RGR: variants seen among roughly 807,000 people sequenced by gnomAD.
RGR encodes the protein retinal G protein coupled receptor.
RGR carries 30 observed loss-of-function variants against 28.6 expected under a neutral mutation model. The observed-to-expected ratio is 1.05, with a 90% CI of 0.78 to 1.42. The LOEUF (loss-of-function observed/expected upper bound fraction) is 1.42, where lower values mean the gene tolerates loss of function less well. Among genes scored for constraint, RGR ranks in the 40% most tolerant of loss-of-function variants. The pLI is 0.00. For missense variants in RGR, 404 were observed against 375.6 expected, an observed-to-expected ratio of 1.08 and a Z score of -0.62; for synonymous variants, 180 against 156.4, an observed-to-expected ratio of 1.15 and a Z score of -1.13.
chr10:84,253,156 C>T (rs1184613045), intron 4 of RGR, 146 bp downstream of exon 4: 3 of 921,200 alleles, frequency 3.3e-6, no homozygotes, highest in Non-Finnish European at 3.2e-6. Context: ...ATGATACCCA[C>T]CTGCAGGTGG....
At chr10:84,256,021 C>CCT (rs1442378958) in intron 5 of RGR, among the ~76,000 whole-genome samples, 1 of 137,530 alleles carries the variant, frequency 7.3e-6, no homozygotes, top group African/African-American at 2.7e-5. Flanking sequence ...CCGTGTCCAG[C>CCT]CTTTTTTTTT....
chr10:84,246,714 G>C (rs557749304), intron 1 of RGR, among the ~76,000 whole-genome samples: 1 of 152,246 alleles, frequency 6.6e-6, no homozygotes, highest in South Asian at 2.1e-4. Flanking sequence ...TTTTTGGCTG[G>C]ATTAAATGGC....
intron 1 of RGR, among the ~76,000 whole-genome samples, chr10:84,246,850 G>GT (rs965364210): frequency 6.6e-6 from 1 of 152,150 alleles, no homozygotes; most frequent in African/African-American, 2.4e-5. Context: ...TTGATCTATT[G>GT]TTTTTTGACT....
rs184079877 is a variant in RGR at position 84,258,110 on chromosome 10, C to T, written c.744+104C>T. ...TTATGACCTCTGTGTCAGTCTCTTC[C>T]TTTCTGTGTTTCTTCCTTTGGATAC... On this transcript the variant is annotated intron_variant, in intron 6 of 6. Coordinates refer to ENST00000652092, the MANE Select transcript of RGR (RefSeq NM_001012720.2). The T allele has an allele frequency of 5.9e-3, 6,197 of 1,055,912 alleles. 28 individuals are homozygous for T. The highest frequency in any genetic ancestry group is 7.6e-3 in the Non-Finnish European group (5,306 of 700,288). The allele number at this position is 1,055,912 out of a possible 1,614,324, so 65.4% of individuals were successfully genotyped here.
At position 84,245,134 on chromosome 10, in the gene RGR, A is replaced by C. The variant is rs780865488; in HGVS notation, c.44A>C (p.Glu15Ala). The C allele has an allele frequency of 1.2e-6, 2 of 1,613,250 alleles. No homozygotes were observed. Among genetic ancestry groups the C allele is most frequent in the Admixed American group, 3.3e-5 (2 of 59,986 alleles). Residue 15 changes from glutamate (E) to alanine (A), a missense_variant, in exon 1 of 7, where the codon GAG becomes GCG. Coordinates refer to ENST00000652092, the MANE Select transcript of RGR (RefSeq NM_001012720.2). ...SALPTGFGEL[E>A]VLAVGMVLLV... ...CTGCCCACTGGCTTCGGGGAGCTCG[A>C]GGTGCTGGCTGTGGGGATGGTGCTA...
At chr10:84,257,704 C>G (rs1404403695) in intron 5 of RGR, among the ~76,000 whole-genome samples, 189 bp from the exon 6 acceptor site, 1 of 152,198 alleles carries the variant, frequency 6.6e-6, no homozygotes, top group African/African-American at 2.4e-5. Flanking sequence ...AAATAAAAGG[C>G]TTAAGGTCAC....
intron 3 of RGR, among the ~76,000 whole-genome samples, chr10:84,251,658 C>T (rs1344995102): frequency 6.6e-6 from 1 of 152,208 alleles, no homozygotes; most frequent in African/African-American, 2.4e-5. Context: ...AATTCTCCAC[C>T]TCAGTCTCCT....
intron 3 of RGR, among the ~76,000 whole-genome samples, chr10:84,249,937 A>T (rs968302393): frequency 6.6e-6 from 1 of 152,220 alleles, no homozygotes; most frequent in Non-Finnish European, 1.5e-5. Context: ...CTACAAGCTC[A>T]TTCTAAACAA....
At chr10:84,254,748 T>C (rs752210086) in intron 5 of RGR, among the ~76,000 whole-genome samples, 12 of 152,200 alleles carry the variant, frequency 7.9e-5, no homozygotes, top group Non-Finnish European at 1.5e-4. Flanking sequence ...GTGGGTTGCT[T>C]ATGTTACTTT....
chr10:84,250,649 G>A, intron 3 of RGR: 1 of 558,062 alleles, frequency 1.8e-6, no homozygotes, highest in South Asian at 2.3e-5. Context: ...TCTATACTGA[G>A]AGCATGGCAG....
chr10:84,257,852 C>G, intron 5 of RGR, 41 bp from the exon 6 acceptor site: 1 of 1,591,424 alleles, frequency 6.3e-7, no homozygotes, highest in Non-Finnish European at 8.6e-7. Flanking sequence ...CTGTGGGCCA[C>G]CTGGAGCAAG....
chr10:84,245,409 G>A (rs1842735758), intron 1 of RGR, among the ~76,000 whole-genome samples: 1 of 152,170 alleles, frequency 6.6e-6, no homozygotes. Flanking sequence ...GGGAGGGAGG[G>A]ACTTTGAAAG....
chr10:84,258,723 T>C lies in RGR; in HGVS notation c.*84T>C. On this transcript the variant is annotated 3_prime_UTR_variant, in exon 7 of 7. Coordinates refer to ENST00000652092, the MANE Select transcript of RGR (RefSeq NM_001012720.2). Reference sequence around the variant, plus strand: ...AGCCTCAGTGGCCAAGCCCAGACACTCACCCACCTTCCCCAGTGGCCCCGT... The same window carrying C: ...AGCCTCAGTGGCCAAGCCCAGACACCCACCCACCTTCCCCAGTGGCCCCGT... 6.3e-7 allele frequency: 1 copy of C among 1,588,956 alleles called. No homozygotes were observed. Among genetic ancestry groups the C allele is most frequent in the South Asian group, 1.1e-5 (1 of 89,810 alleles).
rs775282095 is a variant in RGR, at chr10:84,254,445, T to A, written c.630+2T>A. 1.4e-5 allele frequency: 23 copies of A among 1,611,236 alleles called. No homozygotes were observed. Among genetic ancestry groups the A allele is most frequent in the Non-Finnish European group, 1.1e-5 (13 of 1,177,522 alleles). ...CTGGGGAAGAGTGGCCATCTCCAGG[T>A]AAGGACCCCCTTCCGGAGTGTTATC... is the stretch of plus-strand genomic sequence containing the variant. On this transcript the variant is annotated splice_donor_variant, in intron 5 of 6. Transcript: ENST00000652092. LOFTEE classifies it high-confidence loss of function.
chr10:84,257,912 C>T lies in RGR; in HGVS notation c.650C>T (p.Ala217Val), dbSNP rs754724090. Residue 217 changes from alanine to valine, a missense_variant, in exon 6 of 7, where the codon GCA becomes GTA. Physicochemically the swap from Ala to Val is moderately conservative, Grantham distance 64. Coordinates refer to ENST00000652092, the MANE Select transcript of RGR (RefSeq NM_001012720.2). ...GHLQVNTTLP[A>V]RTLLLGWGPY... ...CCCCAGGTAAACACCACTCTGCCAG[C>T]AAGGACGCTGCTGCTCGGCTGGGGC... 3 of 1,614,126 alleles carry T rather than the reference C, an allele frequency of 1.9e-6. No homozygotes were observed. The highest frequency in any genetic ancestry group is 2.5e-6 in the Non-Finnish European group (3 of 1,180,020).
intron 3 of RGR, 67 bp downstream of exon 3, chr10:84,249,110 G>C (rs1842784804): frequency 2.5e-6 from 4 of 1,600,314 alleles, no homozygotes; most frequent in Non-Finnish European, 3.4e-6. Flanking sequence ...AGGCAGGGAG[G>C]GGCAGTCATA....
At chr10:84,255,955 C>A (rs1842879153) in intron 5 of RGR, among the ~76,000 whole-genome samples, 1 of 148,160 alleles carries the variant, frequency 6.7e-6, no homozygotes, top group South Asian at 2.1e-4. Flanking sequence ...AACTCCTGAT[C>A]TCAGGTGATC....
chr10:84,258,373 G>A, intron 6 of RGR, 135 bp from the exon 7 acceptor site: 1 of 1,437,538 alleles, frequency 7.0e-7, no homozygotes, highest in South Asian at 1.2e-5. Flanking sequence ...CCACCAACTA[G>A]TCAGGGAAGC....
At chr10:84,251,783 G>GCCCCAC (rs1842821477) in intron 3 of RGR, among the ~76,000 whole-genome samples, 1 of 152,090 alleles carries the variant, frequency 6.6e-6, no homozygotes, top group Admixed American at 6.5e-5. Flanking sequence ...TCTCCCAAAG[G>GCCCCAC]CCCCACCTCC....
Sources: allele counts gnomAD v4.1 joint callset (sites outside exome capture counted in the v4.1 genomes callset), GRCh38; gene constraint gnomAD v4.1.1; transcripts MANE v1.5; gene names NCBI Gene and HGNC (gene_info 2026-07-23, HGNC 2026-07-21).